The following FSIP1 variants were observed in gnomAD, a reference collection of about 807,000 sequenced individuals.
FSIP1 encodes the protein fibrous sheath-interacting protein 1.
FSIP1 carries 65 observed loss-of-function variants against 60.9 expected under a neutral mutation model. The ratio of observed to expected loss-of-function variants is 1.07; its 90% CI spans 0.87 to 1.31. The LOEUF is 1.31. Among genes scored for constraint, FSIP1 ranks in the 40% most tolerant of loss-of-function variants. The pLI is 0.00. For synonymous variants in FSIP1, 209 were observed against 221.2 expected, an observed-to-expected ratio of 0.94 and a Z score of 0.49; for missense variants, 675 against 665.5, an observed-to-expected ratio of 1.01 and a Z score of -0.16.
chr15:39,716,016 C>T (rs1159845521), intron 9 of FSIP1, among the ~76,000 whole-genome samples: 2 of 152,150 alleles, frequency 1.3e-5, no homozygotes, highest in Non-Finnish European at 2.9e-5. Context: ...AACCTCTTTT[C>T]TTTATAAATT....
At chr15:39,767,176 G>T (rs1268777874) in intron 3 of FSIP1, among the ~76,000 whole-genome samples, 1 of 152,124 alleles carries the variant, frequency 6.6e-6, no homozygotes, top group Admixed American at 6.5e-5. Flanking sequence ...AGGAAAAAAA[G>T]AAAGAGGAAA....
intron 10 of FSIP1, among the ~76,000 whole-genome samples, chr15:39,633,783 T>C (rs1892010438): frequency 6.6e-6 from 1 of 152,224 alleles, no homozygotes; most frequent in South Asian, 2.1e-4. Context: ...AATATTAAAA[T>C]GTTGTAATAG....
chr15:39,724,810 C>T (rs1281172309), intron 9 of FSIP1, among the ~76,000 whole-genome samples: 2 of 152,158 alleles, frequency 1.3e-5, no homozygotes, highest in Admixed American at 1.3e-4. Flanking sequence ...CTAACAAGAA[C>T]AACAAAAATC....
intron 5 of FSIP1, among the ~76,000 whole-genome samples, chr15:39,761,817 A>G (rs953019695): frequency 6.6e-6 from 1 of 152,240 alleles, no homozygotes; most frequent in African/African-American, 2.4e-5. Flanking sequence ...AAATCATAAT[A>G]TCATTTTGTA....
chr15:39,751,993 GACC>G (rs1007241394), intron 5 of FSIP1, among the ~76,000 whole-genome samples: 1 of 151,794 alleles, frequency 6.6e-6, no homozygotes, highest in African/African-American at 2.4e-5. Context: ...TCAAAACCAT[GACC>G]ACAATATTAT....
downstream of FSIP1, chr15:39,598,103 CA>C (rs1413381865): frequency 1.3e-5 from 2 of 152,154 alleles, no homozygotes; most frequent in African/African-American, 4.8e-5. Flanking sequence ...CCAAGTGTAC[CA>C]ATAAGCAGAC....
intron 10 of FSIP1, among the ~76,000 whole-genome samples, chr15:39,618,827 T>G (rs1409026285): frequency 2.6e-5 from 4 of 152,164 alleles, no homozygotes; most frequent in Admixed American, 1.3e-4. Flanking sequence ...AAATAAATTT[T>G]TAAAAATCAA....
intron 11 of FSIP1, among the ~76,000 whole-genome samples, chr15:39,604,085 C>T (rs1415274547): frequency 6.6e-6 from 1 of 152,222 alleles, no homozygotes; most frequent in East Asian, 1.9e-4. Flanking sequence ...GCATGCACCA[C>T]CATACCCGGC....
At chr15:39,602,099 G>A (rs1431411848) in intron 11 of FSIP1, among the ~76,000 whole-genome samples, 1 of 152,142 alleles carries the variant, frequency 6.6e-6, no homozygotes, top group African/African-American at 2.4e-5. Context: ...TGTGAAAGGG[G>A]TCTTTCTAGA....
chr15:39,767,026 T>G (rs978170790), intron 3 of FSIP1, among the ~76,000 whole-genome samples: 3 of 152,010 alleles, frequency 2.0e-5, no homozygotes, highest in African/African-American at 7.3e-5. Flanking sequence ...TTAAAAAAAT[T>G]TTTGTAGAGA....
chr15:39,667,802 A>G (rs1377023947), intron 10 of FSIP1, among the ~76,000 whole-genome samples: 1 of 152,214 alleles, frequency 6.6e-6, no homozygotes, highest in Non-Finnish European at 1.5e-5. Context: ...TTAGAAATCA[A>G]TTTAGGCAAA....
At chr15:39,694,372 T>C (rs529811014) in intron 10 of FSIP1, among the ~76,000 whole-genome samples, 3 of 152,332 alleles carry the variant, frequency 2.0e-5, no homozygotes, top group African/African-American at 4.8e-5. Context: ...TGGTTTAAAA[T>C]AGATGGCTAA....
rs764007914 is a variant in FSIP1, at chr15:39,618,173, AT to A, written c.1260del (p.Lys420AsnfsTer18). 4 of 1,613,984 alleles carry A rather than the reference AT, an allele frequency of 2.5e-6. No homozygotes were observed. Among genetic ancestry groups the A allele is most frequent in the Non-Finnish European group, 3.4e-6 (4 of 1,179,908 alleles). ...CLLDECILKQ[K>X]SIIKLSSERK... Reference sequence around the variant, plus strand: ...CTTTCTGAAGAAAGTTTAATGATGGATTTTTGTTTAAGTATGCATTCATCCA... The same window carrying A: ...CTTTCTGAAGAAAGTTTAATGATGGATTTTGTTTAAGTATGCATTCATCCA... On this transcript the variant is annotated frameshift_variant, in exon 11 of 12. Coordinates refer to ENST00000350221, the MANE Select transcript of FSIP1 (RefSeq NM_152597.5). LOFTEE classifies it high-confidence loss of function.
intron 5 of FSIP1, among the ~76,000 whole-genome samples, chr15:39,759,263 T>C (rs964931973): frequency 6.6e-6 from 1 of 152,084 alleles, no homozygotes; most frequent in African/African-American, 2.4e-5. Flanking sequence ...TAAAAAAGTC[T>C]TTCAAATCAA....
intron 10 of FSIP1, among the ~76,000 whole-genome samples, chr15:39,682,214 T>C (rs1341504177): frequency 2.0e-5 from 3 of 152,238 alleles, no homozygotes; most frequent in Non-Finnish European, 4.4e-5. Context: ...GTCTTAAATA[T>C]TACTGACCAT....
chr15:39,696,796 A>T (rs1336573164), intron 10 of FSIP1, among the ~76,000 whole-genome samples: 1 of 151,952 alleles, frequency 6.6e-6, no homozygotes, highest in East Asian at 1.9e-4. Context: ...TAAAAAGACA[A>T]AAAAAGGAGG....
chr15:39,753,583 C>T (rs1266884085), intron 5 of FSIP1, among the ~76,000 whole-genome samples: 2 of 151,772 alleles, frequency 1.3e-5, no homozygotes, highest in African/African-American at 2.4e-5. Flanking sequence ...GTATTTAAAT[C>T]CATTAATTTT....
intron 11 of FSIP1, among the ~76,000 whole-genome samples, chr15:39,613,244 C>T (rs571102045): frequency 8.6e-5 from 13 of 151,990 alleles, no homozygotes; most frequent in South Asian, 2.1e-4. Flanking sequence ...TAAAACAAAA[C>T]GAAAATGAAA....
chr15:39,654,851 T>C (rs1436303480), intron 10 of FSIP1, among the ~76,000 whole-genome samples: 1 of 152,230 alleles, frequency 6.6e-6, no homozygotes, highest in Non-Finnish European at 1.5e-5. Context: ...GTCTATCTTC[T>C]GATCATGTAA....
Sources: allele counts gnomAD v4.1 joint callset (sites outside exome capture counted in the v4.1 genomes callset), GRCh38; gene constraint gnomAD v4.1.1; transcripts MANE v1.5; gene names NCBI Gene and HGNC (gene_info 2026-07-23, HGNC 2026-07-21).